The following MYO5B variants were observed in gnomAD, a reference collection of about 807,000 sequenced individuals.
MYO5B encodes unconventional myosin-Vb.
In MYO5B, 143 loss-of-function variants were observed where a neutral mutation model predicts 229.3. That is an observed-to-expected ratio of 0.62 (90% CI 0.54 to 0.72). The LOEUF is 0.72. Ranked by LOEUF, MYO5B falls within the 30% of genes least tolerant of loss-of-function variation. The probability of loss-of-function intolerance (pLI) is 0.00; values close to 1 mark genes in which losing one functional copy is unlikely to be tolerated. For synonymous variants in MYO5B, 918 were observed against 885.2 expected (o/e 1.04, Z -0.66); for missense variants, 2,321 against 2,331.0 (o/e 1.00, Z 0.09).
chr18:49,844,702 A>G (rs938638336), intron 33 of MYO5B, among the ~76,000 whole-genome samples: 4 of 152,370 alleles, frequency 2.6e-5, no homozygotes, highest in African/African-American at 9.6e-5. Flanking sequence ...TTAGAATGCC[A>G]GTCATTTATC....
At chr18:49,975,581 C>T (rs1327430479) in intron 9 of MYO5B, among the ~76,000 whole-genome samples, 24 of 152,100 alleles carry the variant, frequency 1.6e-4, no homozygotes, top group Admixed American at 1.5e-3. Context: ...AACAAAGTTC[C>T]TCAGCGTGGA....
At chr18:50,030,428 C>T (rs1434514662) in intron 4 of MYO5B, among the ~76,000 whole-genome samples, 2 of 152,196 alleles carry the variant, frequency 1.3e-5, no homozygotes, top group Non-Finnish European at 2.9e-5. Context: ...CTCTTCCCTC[C>T]TGTTTACCAA....
intron 1 of MYO5B, among the ~76,000 whole-genome samples, chr18:50,127,222 T>C (rs936196452): frequency 6.6e-6 from 1 of 152,216 alleles, no homozygotes; most frequent in Non-Finnish European, 1.5e-5. Flanking sequence ...TGAAAATTTC[T>C]AGCATCTCAA....
intron 33 of MYO5B, among the ~76,000 whole-genome samples, chr18:49,844,908 C>G (rs2024106285): frequency 6.6e-6 from 1 of 152,234 alleles, no homozygotes; most frequent in African/African-American, 2.4e-5. Flanking sequence ...TTCTCCTCCA[C>G]AGCAACTGGC....
chr18:49,906,714 C>T (rs1356164648), intron 18 of MYO5B, 84 bp from the exon 19 acceptor site: 6 of 1,255,412 alleles, frequency 4.8e-6, no homozygotes, highest in Non-Finnish European at 6.9e-6. Context: ...TCTTCCCATG[C>T]AGAATCCCCT....
intron 33 of MYO5B, among the ~76,000 whole-genome samples, chr18:49,844,771 G>A (rs1408047121): frequency 4.6e-5 from 7 of 152,236 alleles, no homozygotes; most frequent in Admixed American, 4.6e-4. Context: ...CTTCAAACCT[G>A]ATCCATGTGC....
chr18:49,855,085 A>G (rs2024245198), intron 30 of MYO5B, among the ~76,000 whole-genome samples: 1 of 152,248 alleles, frequency 6.6e-6, no homozygotes, highest in Non-Finnish European at 1.5e-5. Flanking sequence ...CAGCATTTAG[A>G]TAATATCCAA....
chr18:49,849,182 A>C (rs485835), intron 32 of MYO5B, among the ~76,000 whole-genome samples: 100,801 of 151,780 alleles, frequency 0.66, 33,783 homozygotes, highest in Admixed American at 0.77. Context: ...CCTGACACTC[A>C]ATAGCATGGA....
chr18:50,112,385 G>A lies in MYO5B; in HGVS notation c.28-57007C>T, dbSNP rs2063431. Among the ~76,000 whole-genome samples, 3 of 152,120 alleles carry A rather than the reference G, an allele frequency of 2.0e-5. No individual in the cohort carries two copies. In the South Asian group the frequency reaches 6.2e-4, roughly 32 times the overall value. ...CGTACCCAACAATACTGGCCCATCA[G>A]AGCAGCAAAGCATCAACACCAAGAC... On this transcript the variant is annotated intron_variant, in intron 1 of 39. Transcript: ENST00000285039.
At chr18:49,923,789 C>T (rs796131190) in intron 17 of MYO5B, among the ~76,000 whole-genome samples, 3 of 152,296 alleles carry the variant, frequency 2.0e-5, no homozygotes, top group African/African-American at 7.2e-5. Flanking sequence ...TTTGTGAAAT[C>T]GGTGGCCCCT....
chr18:49,996,757 A>C (rs1406850562), intron 5 of MYO5B, among the ~76,000 whole-genome samples: 1 of 152,242 alleles, frequency 6.6e-6, no homozygotes, highest in Non-Finnish European at 1.5e-5. Context: ...GGAAAATTGA[A>C]GTGGATCTTA....
intron 1 of MYO5B, among the ~76,000 whole-genome samples, chr18:50,092,022 G>T (rs2031458302): frequency 1.3e-5 from 2 of 152,090 alleles, no homozygotes; most frequent in Non-Finnish European, 2.9e-5. Flanking sequence ...AGTAGACTTG[G>T]GCTATTTCAG....
chr18:50,149,086 T>A (rs1017622438), intron 1 of MYO5B, among the ~76,000 whole-genome samples: 4 of 152,102 alleles, frequency 2.6e-5, no homozygotes, highest in Admixed American at 6.5e-5. Context: ...CATTCACAAT[T>A]GCTTCAAAGA....
chr18:50,049,638 G>A (rs1039316854), intron 2 of MYO5B, among the ~76,000 whole-genome samples: 24 of 152,146 alleles, frequency 1.6e-4, no homozygotes, highest in African/African-American at 5.3e-4. Context: ...GCCACCTTGT[G>A]CATTACGGAG....
intron 27 of MYO5B, 98 bp downstream of exon 27, chr18:49,872,069 C>G (rs1313339771): frequency 2.7e-6 from 3 of 1,127,188 alleles, no homozygotes. Context: ...TCCTTGTTAG[C>G]AGACTGGGGC....
intron 33 of MYO5B, among the ~76,000 whole-genome samples, chr18:49,844,953 G>A (rs1394544107): frequency 1.3e-5 from 2 of 152,220 alleles, no homozygotes; most frequent in African/African-American, 4.8e-5. Flanking sequence ...GTGGTCGGCA[G>A]TCAAGTTTTG....
At chr18:50,045,581 A>G (rs779510455) in intron 2 of MYO5B, among the ~76,000 whole-genome samples, 3 of 152,142 alleles carry the variant, frequency 2.0e-5, no homozygotes, top group Admixed American at 6.6e-5. Context: ...TTTGGTAGAG[A>G]CAGGGTTTCA....
chr18:50,031,961 A>G (rs985484290), intron 4 of MYO5B, among the ~76,000 whole-genome samples: 17 of 152,218 alleles, frequency 1.1e-4, no homozygotes, highest in African/African-American at 4.1e-4. Context: ...TTAAAGGAAG[A>G]CGTTTAACTT....
intron 5 of MYO5B, among the ~76,000 whole-genome samples, chr18:49,997,466 G>C (rs34964314): frequency 2.2e-5 from 3 of 136,166 alleles, no homozygotes; most frequent in Admixed American, 8.3e-5. Flanking sequence ...CTTTCTCCCA[G>C]AATAGGGGCA....
Sources: gnomAD v4.1 joint callset for allele counts (sites outside exome capture counted in the v4.1 genomes callset) on GRCh38, gnomAD v4.1.1 for gene constraint, MANE v1.5 for transcripts, NCBI Gene and HGNC (gene_info 2026-07-23, HGNC 2026-07-21) for gene names.